The following CYSTM1 variants were observed in gnomAD, a reference collection of about 807,000 sequenced individuals.
CYSTM1 encodes cysteine-rich transmembrane module-containing protein 1.
A neutral mutation model predicts 13.1 loss-of-function variants in CYSTM1; 4 were observed. That is an observed-to-expected ratio of 0.31 (90% CI 0.15 to 0.70). The LOEUF (loss-of-function observed/expected upper bound fraction) is 0.70, where lower values mean the gene tolerates loss of function less well. CYSTM1 is among the 30% of genes least tolerant of loss of function. The pLI is 0.72. For missense variants in CYSTM1, 96 were observed against 121.6 expected (o/e 0.79, Z 0.99); for synonymous variants, 36 against 42.7 (o/e 0.84, Z 0.62).
intron 1 of CYSTM1, among the ~76,000 whole-genome samples, chr5:140,180,365 A>T (rs1763949456): frequency 6.6e-6 from 1 of 152,160 alleles, no homozygotes; most frequent in Non-Finnish European, 1.5e-5. Flanking sequence ...TCATGAGGGA[A>T]ATTCTGACAG....
chr5:140,199,776 G>A lies in CYSTM1; in HGVS notation c.187+5124G>A, dbSNP rs1367365384. ...TGCTGGGATTACATGCGTGAGCCACGGTGCCCAGCCGTTTCCTGACTTTTT... is the reference window on the plus strand; with the variant it reads ...TGCTGGGATTACATGCGTGAGCCACAGTGCCCAGCCGTTTCCTGACTTTTT... On this transcript the variant is annotated intron_variant, in intron 2 of 2. Coordinates refer to ENST00000261811, the MANE Select transcript of CYSTM1 (RefSeq NM_032412.4). Among the ~76,000 whole-genome samples, 3 of 152,202 alleles carry A rather than the reference G, an allele frequency of 2.0e-5. No individual in the cohort carries two copies. In the East Asian group the frequency reaches 5.8e-4, roughly 29 times the overall value.
chr5:140,207,803 C>T (rs183786883), intron 2 of CYSTM1, among the ~76,000 whole-genome samples: 1 of 152,300 alleles, frequency 6.6e-6, no homozygotes, highest in East Asian at 1.9e-4. Context: ...TAGGTAACCC[C>T]TATTAATCAT....
At position 140,191,871 on chromosome 5, in the gene CYSTM1, A is replaced by G. The variant is rs141943783; in HGVS notation, c.-20-2575A>G. On this transcript the variant is annotated intron_variant, in intron 1 of 2. Transcript: ENST00000261811. ...TTAACCAGGGCTCACTAGGCTTTCT[A>G]CAGCCTTCCTGGTAGGAGAGAGGAA... Among the ~76,000 whole-genome samples the G allele has an allele frequency of 8.9e-4, 136 of 152,336 alleles. 1 individual carries two copies. Among genetic ancestry groups the G allele is most frequent in the Admixed American group, 6.1e-3 (94 of 15,296 alleles).
chr5:140,211,231 C>G (rs994340348), intron 2 of CYSTM1, among the ~76,000 whole-genome samples: 1 of 152,208 alleles, frequency 6.6e-6, no homozygotes, highest in Non-Finnish European at 1.5e-5. Flanking sequence ...GTCTTCTTAT[C>G]TCCATCATAT....
intron 2 of CYSTM1, among the ~76,000 whole-genome samples, chr5:140,242,191 G>A (rs750837996): frequency 2.6e-5 from 4 of 152,110 alleles, no homozygotes; most frequent in Non-Finnish European, 5.9e-5. Flanking sequence ...AAATGCAAGT[G>A]GACTAGGATT....
intron 1 of CYSTM1, among the ~76,000 whole-genome samples, chr5:140,192,182 C>T (rs1285015384): frequency 6.6e-6 from 1 of 152,196 alleles, no homozygotes; most frequent in Non-Finnish European, 1.5e-5. Context: ...AAATGACACT[C>T]TCTTGATCAG....
At chr5:140,222,750 C>T (rs1258453452) in intron 2 of CYSTM1, among the ~76,000 whole-genome samples, 1 of 152,246 alleles carries the variant, frequency 6.6e-6, no homozygotes, top group Non-Finnish European at 1.5e-5. Context: ...CCCTGTGTCT[C>T]AGGCCCTGTA....
chr5:140,177,079 A>ACAAAAAAAAAACAAAACAAAAC (rs1288055869), intron 1 of CYSTM1, among the ~76,000 whole-genome samples: 1 of 119,712 alleles, frequency 8.4e-6, no homozygotes, highest in African/African-American at 2.8e-5. Flanking sequence ...AAAAAAAAAA[A>ACAAAAAAAAAACAAAACAAAAC]AAAAAAAATC....
chr5:140,232,909 G>A (rs1467127884), intron 2 of CYSTM1, among the ~76,000 whole-genome samples: 3 of 152,204 alleles, frequency 2.0e-5, no homozygotes. Context: ...TGTTCCTCAA[G>A]AAGACTATGT....
At chr5:140,185,894 T>A (rs1764010643) in intron 1 of CYSTM1, among the ~76,000 whole-genome samples, 1 of 152,212 alleles carries the variant, frequency 6.6e-6, no homozygotes, top group Non-Finnish European at 1.5e-5. Context: ...CTCTTCCGAT[T>A]GGGGAGTCAT....
intron 1 of CYSTM1, among the ~76,000 whole-genome samples, chr5:140,182,684 A>G (rs1763972963): frequency 6.6e-6 from 1 of 151,188 alleles, no homozygotes; most frequent in Non-Finnish European, 1.5e-5. Context: ...CCTTTCACAT[A>G]TAGAGAACTG....
At chr5:140,225,094 A>G (rs1351145535) in intron 2 of CYSTM1, among the ~76,000 whole-genome samples, 2 of 152,210 alleles carry the variant, frequency 1.3e-5, no homozygotes, top group Non-Finnish European at 1.5e-5. Flanking sequence ...AGGTTAAAGG[A>G]TTGCTTGAGC....
At chr5:140,235,326 T>A (rs2126672044) in intron 2 of CYSTM1, among the ~76,000 whole-genome samples, 1 of 152,078 alleles carries the variant, frequency 6.6e-6, no homozygotes, top group South Asian at 2.1e-4. Context: ...ATGATATATG[T>A]CATGATATAA....
chr5:140,243,647 T>G lies in CYSTM1; in HGVS notation c.*236T>G. 2.6e-6 allele frequency: 1 copy of G among 391,102 alleles called. No homozygotes were observed. The highest frequency in any genetic ancestry group is 4.5e-5 in the Admixed American group (1 of 22,452). The allele number at this position is 391,102 out of a possible 1,614,324, so 24.2% of individuals were successfully genotyped here. The stretch of plus-strand genomic sequence containing the variant: ...ATCTTTAAAGATGTGCTAAATGACT[T>G]TTTTGGCCAAAGGCTTAGTTGTGAA... On this transcript the variant is annotated 3_prime_UTR_variant, in exon 3 of 3. Transcript: ENST00000261811.
At chr5:140,212,724 T>A (rs2126664309) in intron 2 of CYSTM1, among the ~76,000 whole-genome samples, 1 of 152,158 alleles carries the variant, frequency 6.6e-6, no homozygotes, top group Non-Finnish European at 1.5e-5. Flanking sequence ...CCCAGCACTT[T>A]GGGAGGCCAG....
chr5:140,205,769 A>G (rs542223677), intron 2 of CYSTM1, among the ~76,000 whole-genome samples: 14 of 152,122 alleles, frequency 9.2e-5, no homozygotes, highest in Non-Finnish European at 1.5e-4. Context: ...AGGGATGGAT[A>G]GGGGTGGGGA....
chr5:140,201,752 A>G (rs758069024), intron 2 of CYSTM1: 1 of 152,162 alleles, frequency 6.6e-6, no homozygotes, highest in Non-Finnish European at 1.5e-5. Flanking sequence ...TTAAGGCTAC[A>G]AGTGATAGAA....
At chr5:140,235,546 C>G (rs1218868831) in intron 2 of CYSTM1, among the ~76,000 whole-genome samples, 2 of 151,952 alleles carry the variant, frequency 1.3e-5, no homozygotes, top group Non-Finnish European at 2.9e-5. Flanking sequence ...GCTGGGACTA[C>G]AGGCGCCCGC....
At position 140,230,031 on chromosome 5, in the gene CYSTM1, C is replaced by T. The variant is rs1262767785; in HGVS notation, c.188-13274C>T. Among the ~76,000 whole-genome samples, 1 of 152,146 alleles carries T rather than the reference C, an allele frequency of 6.6e-6. No individual in the cohort carries two copies. Among genetic ancestry groups the T allele is most frequent in the African/African-American group, 2.4e-5 (1 of 41,430 alleles). ...AACTACAGGCATGCACCACCATGCC[C>T]AGCTAATTTTTGTATTTTTAGTAGA... On this transcript the variant is annotated intron_variant, in intron 2 of 2. Transcript: ENST00000261811. This position sits in a 1 kb window ranked among gnomAD's most constrained non-coding sequence, Gnocchi z 4.1.
Sources: gnomAD v4.1 joint callset for allele counts (sites outside exome capture counted in the v4.1 genomes callset) on GRCh38, gnomAD v4.1.1 for gene constraint, Gnocchi (gnomAD v3.1) non-coding constraint, MANE v1.5 for transcripts, NCBI Gene and HGNC (gene_info 2026-07-23, HGNC 2026-07-21) for gene names.